Variants in TBC1D32 observed in about 807,000 individuals in gnomAD.
TBC1D32 encodes TBC1 domain family member 32.
Under a neutral mutation model 170.3 loss-of-function variants are expected in TBC1D32, and 151 were observed. The observed-to-expected ratio is 0.89, with a 90% confidence interval of 0.78 to 1.01. The LOEUF (loss-of-function observed/expected upper bound fraction) is 1.01. Among genes scored for constraint, TBC1D32 ranks in the 50% least tolerant of loss-of-function variants. TBC1D32 has a pLI of 0.00. For synonymous variants in TBC1D32, 498 were observed against 488.0 expected (o/e 1.02, Z -0.27); for missense variants, 1,464 against 1,457.1 (o/e 1.00, Z -0.08).
At chr6:121,289,354 A>T (rs1251672910) in intron 12 of TBC1D32, among the ~76,000 whole-genome samples, 2 of 152,188 alleles carry the variant, frequency 1.3e-5, no homozygotes, top group African/African-American at 2.4e-5. Context: ...ATTCCTATAC[A>T]CCAATAACAG....
At chr6:121,281,722 T>A in intron 13 of TBC1D32, 36 bp from the exon 14 acceptor site, 1 of 1,499,384 alleles carries the variant, frequency 6.7e-7, no homozygotes, top group Non-Finnish European at 9.0e-7. Flanking sequence ...TACCAAAACA[T>A]TAAATACTTA....
At chr6:121,313,108 GTGTGTGTGT>G (rs1808454954) in intron 3 of TBC1D32, among the ~76,000 whole-genome samples, 4 of 1,304 alleles carry the variant, frequency 3.1e-3, no homozygotes, top group African/African-American at 3.9e-3. Flanking sequence ...CTAAGGTGGT[GTGTGTGTGT>G]GTGTGTGTGT....
At chr6:121,214,983 TGA>T (rs1255478208) in intron 21 of TBC1D32, among the ~76,000 whole-genome samples, 4 of 152,180 alleles carry the variant, frequency 2.6e-5, no homozygotes, top group African/African-American at 9.6e-5. Flanking sequence ...AGCACTCAGC[TGA>T]GAGAAGACCC....
intron 22 of TBC1D32, among the ~76,000 whole-genome samples, chr6:121,204,754 G>A (rs1792014980): frequency 6.8e-6 from 1 of 147,520 alleles, no homozygotes; most frequent in African/African-American, 2.7e-5. Flanking sequence ...ATTGTGACAA[G>A]AATCTAACCA....
chr6:121,227,117 C>T (rs1358270021), intron 20 of TBC1D32, among the ~76,000 whole-genome samples: 2 of 152,174 alleles, frequency 1.3e-5, no homozygotes, highest in African/African-American at 2.4e-5. Context: ...ATTTGTGCTG[C>T]GCCACATTCA....
At chr6:121,315,007 T>C (rs1197108292) in intron 3 of TBC1D32, among the ~76,000 whole-genome samples, 1 of 152,190 alleles carries the variant, frequency 6.6e-6, no homozygotes, top group Non-Finnish European at 1.5e-5. Flanking sequence ...TTCATCCCCA[T>C]TTACAAATGG....
chr6:121,104,695 A>C (rs545402392), intron 30 of TBC1D32, among the ~76,000 whole-genome samples: 2 of 151,700 alleles, frequency 1.3e-5, no homozygotes, highest in Non-Finnish European at 3.0e-5. Flanking sequence ...CTCAAACTAC[A>C]CTCACTGGCA....
At chr6:121,305,368 C>A (rs1270492668) in intron 5 of TBC1D32, among the ~76,000 whole-genome samples, 1 of 151,876 alleles carries the variant, frequency 6.6e-6, no homozygotes, top group Non-Finnish European at 1.5e-5. Flanking sequence ...AAAGTGGCAA[C>A]AGATGTAGTT....
At chr6:121,159,134 T>C (rs2128242094) in intron 24 of TBC1D32, among the ~76,000 whole-genome samples, 1 of 152,318 alleles carries the variant, frequency 6.6e-6, no homozygotes, top group Admixed American at 6.5e-5. Flanking sequence ...ATTATATACA[T>C]ATTCTTCTTT....
intron 22 of TBC1D32, among the ~76,000 whole-genome samples, chr6:121,178,821 G>A (rs941288259): frequency 1.3e-5 from 2 of 152,148 alleles, no homozygotes; most frequent in Non-Finnish European, 2.9e-5. Context: ...CCAGACTTTA[G>A]CTAGCAAGAA....
intron 15 of TBC1D32, among the ~76,000 whole-genome samples, chr6:121,267,199 C>T (rs139209824): frequency 0.033 from 4,969 of 151,334 alleles, 192 homozygotes; most frequent in East Asian, 0.12. Flanking sequence ...CAACTCCCAG[C>T]GTGAGCGACG....
intron 15 of TBC1D32, among the ~76,000 whole-genome samples, chr6:121,264,106 C>T (rs201602125): frequency 2.2e-4 from 34 of 151,906 alleles, no homozygotes; most frequent in East Asian, 5.8e-4. Flanking sequence ...GAAGGAGAGA[C>T]GGACATGAAA....
chr6:121,257,428 T>G (rs759287918), intron 15 of TBC1D32, among the ~76,000 whole-genome samples: 2 of 152,158 alleles, frequency 1.3e-5, no homozygotes, highest in African/African-American at 2.4e-5. Context: ...TTAGCATCCA[T>G]TAATGATCAT....
intron 12 of TBC1D32, among the ~76,000 whole-genome samples, chr6:121,287,865 T>C (rs1451886237): frequency 2.0e-5 from 3 of 151,992 alleles, no homozygotes; most frequent in Admixed American, 2.0e-4. Flanking sequence ...AAACCGCTCA[T>C]CTATATGGAA....
intron 3 of TBC1D32, among the ~76,000 whole-genome samples, chr6:121,312,925 C>T (rs1808419734): frequency 6.6e-6 from 1 of 152,130 alleles, no homozygotes; most frequent in South Asian, 2.1e-4. Context: ...GAGTAGCTTT[C>T]AATAAACTAT....
intron 22 of TBC1D32, among the ~76,000 whole-genome samples, chr6:121,198,255 T>TAA (rs1791074928): frequency 7.0e-6 from 1 of 142,494 alleles, no homozygotes; most frequent in African/African-American, 2.6e-5. Flanking sequence ...ATTATATATA[T>TAA]ATATAATATA....
intron 22 of TBC1D32, among the ~76,000 whole-genome samples, chr6:121,200,154 G>A (rs1791351372): frequency 6.6e-6 from 1 of 151,152 alleles, no homozygotes; most frequent in Admixed American, 6.6e-5. Context: ...TTTCAAATGA[G>A]CAAAGAAGAA....
intron 26 of TBC1D32, among the ~76,000 whole-genome samples, chr6:121,124,251 G>A (rs1254142319): frequency 1.3e-5 from 2 of 152,040 alleles, no homozygotes; most frequent in East Asian, 3.9e-4. Context: ...GTTTGTCTGG[G>A]AAAGTCTTAT....
chr6:121,241,573 C>G, intron 18 of TBC1D32, 21 bp from the exon 19 acceptor site: 2 of 1,603,450 alleles, frequency 1.2e-6, no homozygotes, highest in African/African-American at 1.3e-5. Flanking sequence ...AAATAAGGAA[C>G]AGCAATGAAA....
Sources: gnomAD v4.1 joint callset for allele counts (sites outside exome capture counted in the v4.1 genomes callset) on GRCh38, gnomAD v4.1.1 for gene constraint, MANE v1.5 for transcripts, NCBI Gene and HGNC (gene_info 2026-07-23, HGNC 2026-07-21) for gene names.